The following FHIP2B variants were observed in gnomAD, a reference collection of about 807,000 sequenced individuals.
FHIP2B encodes the protein FHF complex subunit HOOK-interacting protein 2B.
FHIP2B carries 72 observed loss-of-function variants against 84.0 expected under a neutral mutation model. The observed-to-expected ratio is 0.86, with a 90% CI of 0.71 to 1.04. The LOEUF is 1.04. FHIP2B is among the 50% of genes least tolerant of loss of function. The probability of loss-of-function intolerance (pLI) is 0.00; values close to 1 mark genes in which losing one functional copy is unlikely to be tolerated. For missense variants in FHIP2B, 972 were observed against 968.9 expected (o/e 1.00, Z -0.04); for synonymous variants, 497 against 418.7 (o/e 1.19, Z -2.28).
chr8:22,099,193 C>T, intron 8 of FHIP2B, 91 bp from the exon 9 acceptor site: 1 of 1,539,730 alleles, frequency 6.5e-7, no homozygotes, highest in East Asian at 2.4e-5. Flanking sequence ...GGGACCCTCT[C>T]CTGTGGCATC....
intron 2 of FHIP2B, 125 bp from the exon 3 acceptor site, chr8:22,096,212 G>C (rs1206949060): frequency 2.2e-6 from 2 of 903,322 alleles, no homozygotes; most frequent in South Asian, 4.1e-5. Context: ...GTTGCCAGCA[G>C]CTGTCTTCCC....
intron 5 of FHIP2B, 66 bp downstream of exon 5, chr8:22,097,905 T>C: frequency 1.3e-6 from 2 of 1,585,330 alleles, no homozygotes; most frequent in South Asian, 2.2e-5. Context: ...CCCTCTGCCC[T>C]CCTGAGGAGG....
At chr8:22,089,556 G>C (rs1366932944) in intron 1 of FHIP2B, among the ~76,000 whole-genome samples, 1 of 151,966 alleles carries the variant, frequency 6.6e-6, no homozygotes, top group Non-Finnish European at 1.5e-5. Context: ...CTGTCTGTGC[G>C]TCCTGGCCCC....
chr8:22,097,242 G>T (rs531029123), intron 3 of FHIP2B, among the ~76,000 whole-genome samples: 6 of 152,122 alleles, frequency 3.9e-5, no homozygotes, highest in Non-Finnish European at 8.8e-5. Context: ...ACTGAGGGAG[G>T]AGTTGAGCCT....
chr8:22,096,594 G>A lies in FHIP2B; in HGVS notation c.297+85G>A, dbSNP rs999108749. 26 of 1,408,092 alleles carry A rather than the reference G, an allele frequency of 1.8e-5. No individual in the cohort carries two copies. The East Asian group carries it at 2.7e-4, about 15-fold the overall frequency. The allele number at this position is 1,408,092 out of a possible 1,614,324, so 87.2% of individuals were successfully genotyped here. ...AGGCCGAGGTGGGAGGCCTCTGTGC[G>A]CTGGGCCAGGCCGAGGTGGGAGACC... On this transcript the variant is annotated intron_variant, in intron 3 of 16. Coordinates refer to ENST00000289921, the MANE Select transcript of FHIP2B (RefSeq NM_022749.7).
At chr8:22,096,576 G>A in intron 3 of FHIP2B, 67 bp downstream of exon 3, 2 of 1,433,074 alleles carry the variant, frequency 1.4e-6, no homozygotes, top group Non-Finnish European at 1.8e-6. Flanking sequence ...GCCAGGCCGA[G>A]GTGGGAGGCC....
chr8:22,091,660 T>C (rs1728485555), intron 1 of FHIP2B, among the ~76,000 whole-genome samples: 1 of 152,238 alleles, frequency 6.6e-6, no homozygotes, highest in East Asian at 1.9e-4. Context: ...AGCTCTCTAA[T>C]GGCCTGTGCT....
Position 22,103,034 on chromosome 8 carries a change from C to A in FHIP2B, c.*103C>A. ...CTCCCCTCCTGGGATGGGGCTTCTG[C>A]TCCCGGGCTCACTCAAGGAGACTGC... On this transcript the variant is annotated 3_prime_UTR_variant, in exon 17 of 17. Coordinates refer to ENST00000289921, the MANE Select transcript of FHIP2B (RefSeq NM_022749.7). The A allele has an allele frequency of 1.4e-6, 2 of 1,412,746 alleles. No individual in the cohort carries two copies. Among genetic ancestry groups the A allele is most frequent in the Non-Finnish European group, 1.9e-6 (2 of 1,055,876 alleles). The allele number at this position is 1,412,746 out of a possible 1,614,324, so 87.5% of individuals were successfully genotyped here.
chr8:22,098,688 C>T, intron 7 of FHIP2B, 69 bp downstream of exon 7: 1 of 1,437,954 alleles, frequency 7.0e-7, no homozygotes, highest in Non-Finnish European at 9.3e-7. Flanking sequence ...TCTTTGGTGG[C>T]CAGCTCCCCT....
At chr8:22,099,640 G>T (rs74482324) in intron 9 of FHIP2B, 64 bp from the exon 10 acceptor site, 5 of 1,494,022 alleles carry the variant, frequency 3.3e-6, no homozygotes, top group Non-Finnish European at 4.5e-6. Context: ...GGAAGGGTTC[G>T]GCCACCCGCA....
At chr8:22,089,462 C>A (rs1251314298) in intron 1 of FHIP2B, among the ~76,000 whole-genome samples, 164 bp downstream of exon 1, 1 of 151,046 alleles carries the variant, frequency 6.6e-6, no homozygotes, top group Non-Finnish European at 1.5e-5. Context: ...CCCGGCCGCG[C>A]CCCGCTTCCC....
chr8:22,099,321 A>C lies in FHIP2B; in HGVS notation c.1112A>C (p.Asn371Thr). The part of the protein sequence containing the change: ...ADALAKAVAE[N>T]FFVETLQPQL... Reference sequence around the variant, plus strand: ...GCCTTGGCGAAGGCTGTGGCTGAGAACTTCTTCGTGGAGACCCTGCAGCCC... The same window carrying C: ...GCCTTGGCGAAGGCTGTGGCTGAGACCTTCTTCGTGGAGACCCTGCAGCCC... The change falls in exon 9 of 17, where the codon AAC becomes ACC. Residue 371 changes from asparagine to threonine, a missense_variant. Coordinates refer to ENST00000289921, the MANE Select transcript of FHIP2B (RefSeq NM_022749.7). 6.2e-7 allele frequency: 1 copy of C among 1,613,784 alleles called. No homozygotes were observed.
At chr8:22,102,475 G>C (rs1314206992) in intron 15 of FHIP2B, 53 bp from the exon 16 acceptor site, 1 of 1,540,076 alleles carries the variant, frequency 6.5e-7, no homozygotes, top group Non-Finnish European at 8.8e-7. Context: ...CAGGGCCAGG[G>C]GACTCACTGG....
chr8:22,102,392 T>C, intron 15 of FHIP2B, 77 bp downstream of exon 15: 2 of 1,416,752 alleles, frequency 1.4e-6, no homozygotes, highest in South Asian at 2.5e-5. Flanking sequence ...GGGCAGGTGG[T>C]TGGGGGCTGG....
chr8:22,101,411 G>A, intron 12 of FHIP2B, 29 bp from the exon 13 acceptor site: 1 of 1,548,196 alleles, frequency 6.5e-7, no homozygotes, highest in South Asian at 1.2e-5. Context: ...TGAGCCGGGA[G>A]CGCCTCCACA....
Position 22,102,272 on chromosome 8 carries a change from G to A in FHIP2B, c.1949G>A (p.Ser650Asn). The change falls in exon 15 of 17, where the codon AGC becomes AAC. Residue 650 changes from serine (S) to asparagine (N), a missense_variant. By Grantham distance (46) the Ser-to-Asn change is conservative. Coordinates refer to ENST00000289921, the MANE Select transcript of FHIP2B (RefSeq NM_022749.7). ...GAGTACCTGCTGGATCCGTACATCA[G>A]CCTGGCCCCCGGCTGCAGGAGCCTA... ...IHEYLLDPYI[S>N]LAPGCRSLFS... 6.2e-7 allele frequency: 1 copy of A among 1,613,156 alleles called. No homozygotes were observed. The highest frequency in any genetic ancestry group is 8.5e-7 in the Non-Finnish European group (1 of 1,179,880).
intron 2 of FHIP2B, chr8:22,095,138 C>G (rs888782068): frequency 1.1e-4 from 17 of 152,816 alleles, no homozygotes; most frequent in Non-Finnish European, 1.5e-5. Flanking sequence ...TGCCAGGTAA[C>G]CATATCCTGC....
chr8:22,103,315 A>C lies in FHIP2B; in HGVS notation c.*384A>C. 5.1e-6 allele frequency: 1 copy of C among 197,412 alleles called. No homozygotes were observed. Among genetic ancestry groups the C allele is most frequent in the Non-Finnish European group, 1.0e-5 (1 of 96,792 alleles). The allele number at this position is 197,412 out of a possible 1,614,324, so 12.2% of individuals were successfully genotyped here. On this transcript the variant is annotated 3_prime_UTR_variant, in exon 17 of 17. Transcript: ENST00000289921. ...TGGGGAGTGAGCTGATGGCTCCGAG[A>C]CTGGTCAGGAGCCCAGGCCAGTGAG...
intron 10 of FHIP2B, 164 bp downstream of exon 10, chr8:22,100,057 T>G: frequency 1.5e-6 from 1 of 659,374 alleles, no homozygotes; most frequent in South Asian, 2.5e-5. Flanking sequence ...TTTTCTATGA[T>G]CATATACTTT....
Sources: allele counts gnomAD v4.1 joint callset (sites outside exome capture counted in the v4.1 genomes callset), GRCh38; gene constraint gnomAD v4.1.1; transcripts MANE v1.5; gene names NCBI Gene and HGNC (gene_info 2026-07-23, HGNC 2026-07-21).